Variants in ZCWPW2 observed in about 807,000 individuals in gnomAD.
The protein encoded by ZCWPW2 is zinc finger CW-type PWWP domain protein 2.
In ZCWPW2, 45 loss-of-function variants were observed where a neutral mutation model predicts 46.6. That is an observed-to-expected ratio of 0.96 (90% CI 0.76 to 1.24). The LOEUF is 1.24. Among genes scored for constraint, ZCWPW2 ranks in the 50% most tolerant of loss-of-function variants. The pLI is 0.00. For missense variants in ZCWPW2, 429 were observed against 403.9 expected (o/e 1.06, Z -0.53); for synonymous variants, 152 against 137.1 (o/e 1.11, Z -0.76).
intron 1 of ZCWPW2, among the ~76,000 whole-genome samples, chr3:28,389,656 C>T (rs1476179028): frequency 6.6e-6 from 1 of 152,092 alleles, no homozygotes; most frequent in African/African-American, 2.4e-5. Flanking sequence ...GAACAATTCC[C>T]AGTACCAGAA....
chr3:28,393,690 A>G (rs1039906497), intron 2 of ZCWPW2, among the ~76,000 whole-genome samples: 1 of 152,164 alleles, frequency 6.6e-6, no homozygotes, highest in Non-Finnish European at 1.5e-5. Flanking sequence ...AACAAACATT[A>G]TATGATCATC....
At chr3:28,455,189 A>G (rs56199335) in intron 4 of ZCWPW2, among the ~76,000 whole-genome samples, 2 of 152,240 alleles carry the variant, frequency 1.3e-5, no homozygotes, top group South Asian at 2.1e-4. Context: ...GACTGGTGTG[A>G]GATGGTCCCT....
At chr3:28,434,576 G>C (rs1346669903) in intron 3 of ZCWPW2, among the ~76,000 whole-genome samples, 1 of 152,134 alleles carries the variant, frequency 6.6e-6, no homozygotes. Flanking sequence ...AGACAGGATG[G>C]AACTGCAGAG....
At chr3:28,349,296 G>A (rs1651288405) in intron 1 of ZCWPW2, 93 bp downstream of exon 1, 2 of 787,972 alleles carry the variant, frequency 2.5e-6, no homozygotes, top group African/African-American at 1.9e-5. Context: ...GTCCTTTTGG[G>A]GGGTCCCCGG....
chr3:28,505,768 T>C (rs1245652856), intron 6 of ZCWPW2, among the ~76,000 whole-genome samples: 1 of 152,128 alleles, frequency 6.6e-6, no homozygotes, highest in African/African-American at 2.4e-5. Context: ...TTAGTGATTA[T>C]TGACTGACAA....
At chr3:28,394,265 A>G (rs1357404227) in intron 2 of ZCWPW2, among the ~76,000 whole-genome samples, 2 of 152,104 alleles carry the variant, frequency 1.3e-5, no homozygotes, top group East Asian at 3.9e-4. Context: ...TGATGAAATA[A>G]ATTGAAAAAT....
intron 4 of ZCWPW2, among the ~76,000 whole-genome samples, chr3:28,436,024 T>G (rs1312283353): frequency 6.6e-6 from 1 of 152,160 alleles, no homozygotes; most frequent in Non-Finnish European, 1.5e-5. Context: ...TTGACTCTTT[T>G]TAAACTTTAA....
At chr3:28,511,451 A>ACCCCCC (rs1700423177) in intron 6 of ZCWPW2, among the ~76,000 whole-genome samples, 1 of 152,200 alleles carries the variant, frequency 6.6e-6, no homozygotes, top group African/African-American at 2.4e-5. Flanking sequence ...TTATCTGTCT[A>ACCCCCC]TCCAAGTGTT....
rs547174666 is a variant in ZCWPW2, at chr3:28,384,373, A to T, written c.-133-6125A>T. The stretch of plus-strand genomic sequence containing the variant: ...AATTAGTCTTACTAGAAAATTTTTT[A>T]AAAATATTCTAAAAACAAGAAAAGC... On this transcript the variant is annotated intron_variant, in intron 1 of 9. Coordinates refer to ENST00000383768, the MANE Select transcript of ZCWPW2 (RefSeq NM_001040432.4). 1.2e-4 allele frequency among the ~76,000 whole-genome samples: 19 copies of T among 152,262 alleles called. No homozygotes were observed. The South Asian group carries it at 2.7e-3, about 22-fold the overall frequency.
intron 2 of ZCWPW2, among the ~76,000 whole-genome samples, chr3:28,393,837 A>G (rs142780749): frequency 2.7e-4 from 41 of 152,236 alleles, no homozygotes; most frequent in African/African-American, 9.6e-4. Flanking sequence ...CATCATACTC[A>G]GTGGGGAAAG....
At chr3:28,376,284 A>G (rs1705498097) in intron 1 of ZCWPW2, among the ~76,000 whole-genome samples, 1 of 152,110 alleles carries the variant, frequency 6.6e-6, no homozygotes, top group African/African-American at 2.4e-5. Context: ...CTTATCTTAG[A>G]ATAGAAACAA....
chr3:28,460,255 T>A (rs1349994217), intron 4 of ZCWPW2, among the ~76,000 whole-genome samples: 1 of 150,690 alleles, frequency 6.6e-6, no homozygotes, highest in East Asian at 1.9e-4. Flanking sequence ...AGCTAGACTT[T>A]TTTTTTTTTT....
intron 1 of ZCWPW2, among the ~76,000 whole-genome samples, chr3:28,376,764 T>C (rs1705512560): frequency 6.6e-6 from 1 of 152,134 alleles, no homozygotes; most frequent in Admixed American, 6.5e-5. Flanking sequence ...GTAACTTTTG[T>C]CGCAAAATGT....
chr3:28,496,305 C>T (rs915364083), intron 6 of ZCWPW2, among the ~76,000 whole-genome samples: 1 of 151,972 alleles, frequency 6.6e-6, no homozygotes, highest in African/African-American at 2.4e-5. Context: ...GCATTGATTT[C>T]ACTGAATTTT....
chr3:28,402,291 T>A (rs1695977821), intron 2 of ZCWPW2, among the ~76,000 whole-genome samples: 1 of 152,142 alleles, frequency 6.6e-6, no homozygotes. Context: ...AAGGCTACTA[T>A]GAACACCTTT....
At chr3:28,421,877 T>TGTGTGTGTGTG (rs1696807316) in intron 3 of ZCWPW2, among the ~76,000 whole-genome samples, 5 of 150,210 alleles carry the variant, frequency 3.3e-5, no homozygotes, top group South Asian at 2.1e-4. Context: ...TGTGTGTGTG[T>TGTGTGTGTGTG]TTAGCTTCTT....
chr3:28,433,096 C>CAT (rs1004161705), intron 3 of ZCWPW2, among the ~76,000 whole-genome samples: 1 of 151,402 alleles, frequency 6.6e-6, no homozygotes, highest in African/African-American at 2.4e-5. Flanking sequence ...TATTCTTACA[C>CAT]ACACACACAC....
At chr3:28,367,267 C>A (rs1705154725) in intron 1 of ZCWPW2, among the ~76,000 whole-genome samples, 1 of 152,156 alleles carries the variant, frequency 6.6e-6, no homozygotes, top group African/African-American at 2.4e-5. Context: ...TTCCTGCTTT[C>A]TCTTGTGGGC....
intron 4 of ZCWPW2, among the ~76,000 whole-genome samples, chr3:28,437,119 T>C (rs1697531468): frequency 6.6e-6 from 1 of 152,190 alleles, no homozygotes; most frequent in Admixed American, 6.5e-5. Context: ...CAAAACCACT[T>C]ACACAAAAAA....
Sources: allele counts gnomAD v4.1 joint callset (sites outside exome capture counted in the v4.1 genomes callset), GRCh38; gene constraint gnomAD v4.1.1; transcripts MANE v1.5; gene names NCBI Gene and HGNC (gene_info 2026-07-23, HGNC 2026-07-21).